LHFPL7: variants seen among roughly 807,000 people sequenced by gnomAD.
LHFPL7 encodes the protein LHFPL tetraspan subfamily member 7 protein.
the LHFPL7 span, chr22:24,938,041 G>C: frequency 6.7e-7 from 1 of 1,482,948 alleles, no homozygotes; most frequent in Non-Finnish European, 9.0e-7. Flanking sequence ...TCTGAGGTCT[G>C]ACCCGAGAGG....
chr22:24,938,070 C>CTGATTCAT, the LHFPL7 span: 1 of 1,498,512 alleles, frequency 6.7e-7, no homozygotes, highest in Admixed American at 1.9e-5. Context: ...TGCTCACAGA[C>CTGATTCAT]TCATTCATTC....
At chr22:24,937,059 C>G in the LHFPL7 span, among the ~76,000 whole-genome samples, 4 of 152,198 alleles carry the variant, frequency 2.6e-5, no homozygotes, top group Non-Finnish European at 5.9e-5. Context: ...GGCAGACAGA[C>G]ATGTCCTTCT....
At chr22:24,940,403 C>T in the LHFPL7 span, among the ~76,000 whole-genome samples, 63 of 149,754 alleles carry the variant, frequency 4.2e-4, no homozygotes, top group African/African-American at 1.5e-3. Flanking sequence ...AACATCCTGG[C>T]TAACACGGTG....
the LHFPL7 span, among the ~76,000 whole-genome samples, chr22:24,944,323 G>C: frequency 6.6e-6 from 1 of 152,132 alleles, no homozygotes; most frequent in Non-Finnish European, 1.5e-5. Flanking sequence ...GCGTTGGAGG[G>C]AGATAGCAAG....
the LHFPL7 span, chr22:24,935,672 C>T: frequency 6.6e-7 from 1 of 1,520,120 alleles, no homozygotes; most frequent in Non-Finnish European, 8.9e-7. Flanking sequence ...GACTCATCCA[C>T]CCTTTATCCA....
At chr22:24,935,166 G>C in the LHFPL7 span, 1 of 826,358 alleles carries the variant, frequency 1.2e-6, no homozygotes, top group South Asian at 1.8e-5. Context: ...TATGAGGTAG[G>C]TATGATTTCA....
chr22:24,942,478 C>T, the LHFPL7 span, among the ~76,000 whole-genome samples: 7 of 152,234 alleles, frequency 4.6e-5, no homozygotes, highest in Admixed American at 2.0e-4. Context: ...AGGTCAAAAG[C>T]AGCTGAGCTG....
the LHFPL7 span, among the ~76,000 whole-genome samples, chr22:24,946,403 A>G: frequency 6.7e-6 from 1 of 148,628 alleles, no homozygotes; most frequent in African/African-American, 2.6e-5. Flanking sequence ...ACATGAGCGC[A>G]CATGCACCCA....
chr22:24,944,648 G>C, the LHFPL7 span, among the ~76,000 whole-genome samples: 18 of 152,238 alleles, frequency 1.2e-4, no homozygotes, highest in African/African-American at 4.3e-4. Context: ...CAACCTCCTG[G>C]GGCTCAAGCA....
At chr22:24,940,683 TTCTCTCTCCCTCCC>T in the LHFPL7 span, among the ~76,000 whole-genome samples, 2 of 88,304 alleles carry the variant, frequency 2.3e-5, no homozygotes, top group Non-Finnish European at 2.0e-5. Flanking sequence ...CCCTCCTTCC[TTCTCTCTCCCTCCC>T]TCCTTCCCTC....
the LHFPL7 span, among the ~76,000 whole-genome samples, chr22:24,940,636 C>CCCGT: frequency 8.2e-5 from 5 of 61,080 alleles, no homozygotes; most frequent in African/African-American, 3.1e-4. Flanking sequence ...CATATGCCCG[C>CCCGT]CCTTCCTTCC....
the LHFPL7 span, chr22:24,938,005 A>T: frequency 2.4e-6 from 3 of 1,258,038 alleles, no homozygotes; most frequent in African/African-American, 1.5e-5. Context: ...AAGGACCAGG[A>T]ATAGTCAACA....
At chr22:24,941,626 A>T in the LHFPL7 span, among the ~76,000 whole-genome samples, 1 of 118,366 alleles carries the variant, frequency 8.4e-6, no homozygotes, top group South Asian at 2.6e-4. Flanking sequence ...TTTTGGCATG[A>T]TACTGCTTTT....
At chr22:24,935,582 A>G in the LHFPL7 span, 4 of 1,611,746 alleles carry the variant, frequency 2.5e-6, no homozygotes, top group Non-Finnish European at 2.5e-6. Context: ...GCAGACCCAC[A>G]ATCATGGCAG....
At chr22:24,940,667 TTCCTTCCC>T in the LHFPL7 span, among the ~76,000 whole-genome samples, 2 of 120,664 alleles carry the variant, frequency 1.7e-5, no homozygotes, top group South Asian at 7.0e-4. Context: ...CCTTCCTTCC[TTCCTTCCC>T]TCCTTCCTTC....
At chr22:24,935,653 C>G in the LHFPL7 span, 1 of 1,563,006 alleles carries the variant, frequency 6.4e-7, no homozygotes, top group Non-Finnish European at 8.7e-7. Flanking sequence ...CACTAACTTT[C>G]CATCCCACGA....
the LHFPL7 span, among the ~76,000 whole-genome samples, chr22:24,941,480 C>T: frequency 1.3e-5 from 2 of 152,084 alleles, no homozygotes; most frequent in Non-Finnish European, 2.9e-5. Flanking sequence ...GGCCTCATCT[C>T]CTAATATCAT....
At chr22:24,937,755 T>C in the LHFPL7 span, among the ~76,000 whole-genome samples, 1 of 152,200 alleles carries the variant, frequency 6.6e-6, no homozygotes, top group Non-Finnish European at 1.5e-5. Flanking sequence ...TCTTGCAGGT[T>C]CACAGTTTAG....
the LHFPL7 span, among the ~76,000 whole-genome samples, chr22:24,939,075 A>G: frequency 6.6e-5 from 10 of 152,064 alleles, no homozygotes; most frequent in African/African-American, 2.2e-4. Flanking sequence ...GCCGGACCCC[A>G]CTCCACGCCT....
Sources: allele counts gnomAD v4.1 joint callset (sites outside exome capture counted in the v4.1 genomes callset), GRCh38; gene constraint gnomAD v4.1.1; transcripts MANE v1.5; gene names NCBI Gene and HGNC (gene_info 2026-07-23, HGNC 2026-07-21).